SLC22A16: variants seen among roughly 807,000 people sequenced by gnomAD.
SLC22A16 encodes solute carrier family 22 member 16.
SLC22A16 carries 53 observed loss-of-function variants against 52.9 expected under a neutral mutation model. That is an observed-to-expected ratio of 1.00 (90% CI 0.80 to 1.26). The LOEUF is 1.26. Among genes scored for constraint, SLC22A16 ranks in the 50% most tolerant of loss-of-function variants. The pLI, the probability that SLC22A16 is intolerant of heterozygous loss-of-function variation, is 0.00. For synonymous variants in SLC22A16, 291 were observed against 268.8 expected (o/e 1.08, Z -0.81); for missense variants, 726 against 704.0 (o/e 1.03, Z -0.35).
intron 2 of SLC22A16, among the ~76,000 whole-genome samples, chr6:110,454,105 A>G (rs1042490751): frequency 3.9e-5 from 6 of 152,100 alleles, no homozygotes; most frequent in Non-Finnish European, 5.9e-5. Context: ...TCACCTCCCA[A>G]CACCGCCACA....
intron 4 of SLC22A16, among the ~76,000 whole-genome samples, chr6:110,440,560 C>A (rs2114930274): frequency 6.6e-6 from 1 of 152,270 alleles, no homozygotes; most frequent in South Asian, 2.1e-4. Context: ...GGTGGATCAC[C>A]TGAGGTCAGG....
intron 1 of SLC22A16, among the ~76,000 whole-genome samples, chr6:110,463,670 T>C (rs1775970188): frequency 6.6e-6 from 1 of 151,814 alleles, no homozygotes; most frequent in African/African-American, 2.4e-5. Context: ...CAAAAAGAGA[T>C]AGACAGTCAT....
At position 110,476,587 on chromosome 6, in the gene SLC22A16, C is replaced by G. The variant is rs1474558255; in HGVS notation, c.-13G>C. ...GGCGGGACCCCATGGTGCGGCCGTG[C>G]ACTGGGCGCCGAGTTAGCCGAGCTC... On this transcript the variant is annotated 5_prime_UTR_variant, in exon 1 of 8. Transcript: ENST00000368919. The G allele has an allele frequency of 6.5e-7, 1 of 1,526,746 alleles. No homozygotes were observed. Among genetic ancestry groups the G allele is most frequent in the Non-Finnish European group, 8.8e-7 (1 of 1,138,488 alleles). 94.6% of individuals were successfully genotyped at this position (1,526,746 alleles called of 1,614,324 possible).
At chr6:110,442,130 A>T in intron 4 of SLC22A16, 114 bp downstream of exon 4, 1 of 972,238 alleles carries the variant, frequency 1.0e-6, no homozygotes, top group Non-Finnish European at 1.5e-6. Context: ...TCCTGGTTTT[A>T]AAGGGCCTAT....
At chr6:110,435,743 C>A in intron 6 of SLC22A16, 109 bp downstream of exon 6, 2 of 715,838 alleles carry the variant, frequency 2.8e-6, no homozygotes, top group Non-Finnish European at 4.6e-6. Context: ...CTCAGAGATC[C>A]AGGTAACTTC....
intron 1 of SLC22A16, among the ~76,000 whole-genome samples, chr6:110,473,118 GAAAGCACTCTAT>G (rs977768174): frequency 3.3e-5 from 5 of 152,098 alleles, no homozygotes; most frequent in African/African-American, 1.2e-4. Context: ...TTAACACATG[GAAAGCACTCTAT>G]GACACACCGT....
Position 110,438,719 on chromosome 6 carries a change from C to T in SLC22A16, c.1311+1G>A, listed in dbSNP as rs979759527. 2 of 1,611,494 alleles carry T rather than the reference C, an allele frequency of 1.2e-6. No homozygotes were observed. The highest frequency in any genetic ancestry group is 3.4e-5 in the Admixed American group (2 of 59,450). ...CTTATAAAAAACAGAAGATAACTCACCTGGGGGATCACCATAACGACACCA... is the reference window on the plus strand; with the variant it reads ...CTTATAAAAAACAGAAGATAACTCATCTGGGGGATCACCATAACGACACCA... On this transcript the variant is annotated splice_donor_variant, in intron 5 of 7. Transcript: ENST00000368919. LOFTEE classifies it high-confidence loss of function.
At chr6:110,473,491 C>CTTTTT (rs763478181) in intron 1 of SLC22A16, among the ~76,000 whole-genome samples, 1 of 71,948 alleles carries the variant, frequency 1.4e-5, no homozygotes, top group Non-Finnish European at 2.7e-5. Flanking sequence ...CCTGTTTTCC[C>CTTTTT]TTTTTTTTTT....
rs540191775 is a variant in SLC22A16 at position 110,476,595 on chromosome 6, G to A, written c.-21C>T. ...CCCATGGTGCGGCCGTGCACTGGGC[G>A]CCGAGTTAGCCGAGCTCCGGGGACT... On this transcript the variant is annotated 5_prime_UTR_variant, in exon 1 of 8. Coordinates refer to ENST00000368919, the MANE Select transcript of SLC22A16 (RefSeq NM_033125.4). 2.6e-5 allele frequency: 39 copies of A among 1,521,376 alleles called. No homozygotes were observed. The African/African-American group carries it at 4.8e-4, about 19-fold the overall frequency. 94.2% of individuals were successfully genotyped at this position (1,521,376 alleles called of 1,614,324 possible).
intron 1 of SLC22A16, among the ~76,000 whole-genome samples, chr6:110,466,911 T>TGATA (rs3045569): frequency 0.2 from 28,266 of 140,414 alleles, 2,909 homozygotes; most frequent in East Asian, 0.26. Flanking sequence ...AAAGAAAATG[T>TGATA]GATAGATAGA....
At chr6:110,441,639 G>C (rs1469397457) in intron 4 of SLC22A16, among the ~76,000 whole-genome samples, 1 of 152,216 alleles carries the variant, frequency 6.6e-6, no homozygotes, top group East Asian at 1.9e-4. Context: ...TGTTTTGAGA[G>C]AGTTAACCAA....
intron 1 of SLC22A16, among the ~76,000 whole-genome samples, chr6:110,457,623 C>A (rs181011613): frequency 6.6e-6 from 1 of 152,092 alleles, no homozygotes; most frequent in Non-Finnish European, 1.5e-5. Context: ...CTCTTTATTT[C>A]AATACTATAA....
At chr6:110,425,152 A>T (rs1172234126) in intron 7 of SLC22A16, 67 bp from the exon 8 acceptor site, 1 of 1,589,606 alleles carries the variant, frequency 6.3e-7, no homozygotes, top group African/African-American at 1.4e-5. Flanking sequence ...GGAGAATAGA[A>T]TTTCCTAACT....
Position 110,431,223 on chromosome 6 carries a change from A to T in SLC22A16, c.1469T>A (p.Ile490Asn), listed in dbSNP as rs765915401. The change falls in exon 7 of 8, where the codon ATC becomes AAC. Residue 490 changes from isoleucine to asparagine, a missense_variant. Ile to Asn is a moderately radical substitution (Grantham distance 149). Coordinates refer to ENST00000368919, the MANE Select transcript of SLC22A16 (RefSeq NM_033125.4). The stretch of plus-strand genomic sequence containing the variant: ...GAGGTCCACAGAGAACGGCGCCAGG[A>T]TGCTGGCCAGGCGACACACCATGCT... ...SGSMVCRLAS[I>N]LAPFSVDLSS... 23 of 1,613,556 alleles carry T rather than the reference A, an allele frequency of 1.4e-5. No individual in the cohort carries two copies. Among genetic ancestry groups the T allele is most frequent in the Non-Finnish European group, 2.5e-6 (3 of 1,180,000 alleles).
chr6:110,432,569 G>C (rs1396658040), intron 6 of SLC22A16, among the ~76,000 whole-genome samples: 3 of 152,194 alleles, frequency 2.0e-5, no homozygotes, highest in Non-Finnish European at 4.4e-5. Flanking sequence ...ATCCACCTGA[G>C]AGGCCAGAAG....
intron 2 of SLC22A16, among the ~76,000 whole-genome samples, chr6:110,448,063 G>A (rs530756880): frequency 2.6e-5 from 4 of 152,136 alleles, no homozygotes; most frequent in Non-Finnish European, 5.9e-5. Flanking sequence ...ACATTTTGAG[G>A]AACTGCCAAA....
At chr6:110,455,320 CA>C (rs1035743829) in intron 2 of SLC22A16, 1 of 152,002 alleles carries the variant, frequency 6.6e-6, no homozygotes, top group African/African-American at 2.4e-5. Flanking sequence ...AGAAAAGCCC[CA>C]AGTGATAATT....
chr6:110,425,450 A>T, intron 7 of SLC22A16: 1 of 1,300,092 alleles, frequency 7.7e-7, no homozygotes, highest in Non-Finnish European at 1.0e-6. Context: ...GGAGAAGACA[A>T]GTAACTGAGC....
At chr6:110,456,491 A>G in intron 2 of SLC22A16, 47 bp downstream of exon 2, 1 of 1,573,868 alleles carries the variant, frequency 6.4e-7, no homozygotes, top group Non-Finnish European at 8.6e-7. Context: ...ACCAGATAGG[A>G]AAATAAACCC....
Sources: gnomAD v4.1 joint callset for allele counts (sites outside exome capture counted in the v4.1 genomes callset) on GRCh38, gnomAD v4.1.1 for gene constraint, MANE v1.5 for transcripts, NCBI Gene and HGNC (gene_info 2026-07-23, HGNC 2026-07-21) for gene names.